FHIP1A: variants seen among roughly 807,000 people sequenced by gnomAD.
The protein encoded by FHIP1A is FHF complex subunit HOOK interacting protein 1A, also known as FHF complex subunit HOOK-interacting protein 1A.
In FHIP1A, 61 loss-of-function variants were observed where a neutral mutation model predicts 88.6. The observed-to-expected ratio is 0.69, with a 90% confidence interval of 0.56 to 0.85. The LOEUF (loss-of-function observed/expected upper bound fraction) is 0.85, where lower values mean the gene tolerates loss of function less well. Among genes scored for constraint, FHIP1A ranks in the 40% least tolerant of loss-of-function variants. FHIP1A has a pLI of 0.00. For synonymous variants in FHIP1A, 478 were observed against 496.0 expected (o/e 0.96, Z 0.48); for missense variants, 1,154 against 1,273.5 (o/e 0.91, Z 1.43).
intron 7 of FHIP1A, among the ~76,000 whole-genome samples, chr4:151,604,297 G>A (rs1388466239): frequency 1.3e-5 from 2 of 151,868 alleles, no homozygotes; most frequent in Non-Finnish European, 1.5e-5. Flanking sequence ...CTATTGTTAG[G>A]TGATTTTGCA....
intron 8 of FHIP1A, among the ~76,000 whole-genome samples, chr4:151,632,254 TTATA>T (rs1736183875): frequency 6.6e-6 from 1 of 151,760 alleles, no homozygotes; most frequent in Non-Finnish European, 1.5e-5. Flanking sequence ...GATATAAATA[TTATA>T]TATAATACAT....
chr4:151,576,270 T>C lies in FHIP1A; in HGVS notation c.106-1180T>C, dbSNP rs184267959. ...TTTTATTTAAATTGTTAATTGAGTT[T>C]TTTGTGGTAAAGTATATATAACAAA... On this transcript the variant is annotated intron_variant, in intron 4 of 13. Coordinates refer to ENST00000435205, the MANE Select transcript of FHIP1A (RefSeq NM_001109977.3). Among the ~76,000 whole-genome samples, 195 of 152,272 alleles carry C rather than the reference T, an allele frequency of 1.3e-3. 2 individuals carry two copies. The highest frequency in any genetic ancestry group is 0.012 in the Admixed American group (184 of 15,282).
rs550476404 is a variant in FHIP1A at position 151,487,390 on chromosome 4, C to T, written c.-123+4742C>T. ...GCTTTTTCTTCTTTCCACATCTCAC[C>T]CACATGTTCTTCCCTCAGGGCCTGC... On this transcript the variant is annotated intron_variant, in intron 3 of 13. Transcript: ENST00000435205. Among the ~76,000 whole-genome samples, 239 of 152,144 alleles carry T rather than the reference C, an allele frequency of 1.6e-3. 1 individual carries two copies. Among genetic ancestry groups the T allele is most frequent in the African/African-American group, 5.5e-3 (229 of 41,492 alleles).
At chr4:151,559,337 T>C (rs572298484) in intron 3 of FHIP1A, among the ~76,000 whole-genome samples, 5 of 152,350 alleles carry the variant, frequency 3.3e-5, no homozygotes, top group African/African-American at 1.2e-4. Context: ...TGCTAAGTAG[T>C]ACATAAATAT....
At chr4:151,523,894 C>T (rs972028972) in intron 3 of FHIP1A, among the ~76,000 whole-genome samples, 3 of 152,082 alleles carry the variant, frequency 2.0e-5, no homozygotes, top group Non-Finnish European at 2.9e-5. Context: ...GATCCATGTC[C>T]TTCTTTTCCT....
At chr4:151,614,326 A>G (rs1219719166) in intron 7 of FHIP1A, among the ~76,000 whole-genome samples, 1 of 151,142 alleles carries the variant, frequency 6.6e-6, no homozygotes, top group Non-Finnish European at 1.5e-5. Context: ...AAAATCACCC[A>G]GGTGTGGTGG....
intron 3 of FHIP1A, among the ~76,000 whole-genome samples, chr4:151,519,454 A>C (rs1291708709): frequency 3.3e-5 from 5 of 152,120 alleles, no homozygotes; most frequent in South Asian, 2.1e-4. Context: ...TCATTGTATG[A>C]ATCACAGTTT....
chr4:151,461,858 C>T (rs1487555552), intron 2 of FHIP1A, among the ~76,000 whole-genome samples: 2 of 152,122 alleles, frequency 1.3e-5, no homozygotes, highest in Admixed American at 6.5e-5. Flanking sequence ...GGCATGGGAT[C>T]GACTCTGTAA....
chr4:151,466,567 C>T (rs1297529444), intron 2 of FHIP1A, among the ~76,000 whole-genome samples: 1 of 152,152 alleles, frequency 6.6e-6, no homozygotes, highest in African/African-American at 2.4e-5. Context: ...ATCACACTAC[C>T]TGACCTCAAA....
chr4:151,453,758 CTTGAACTGGGAGGCGGAGGTGGCGGTTT>C (rs895440402), intron 1 of FHIP1A, among the ~76,000 whole-genome samples: 2 of 152,044 alleles, frequency 1.3e-5, no homozygotes, highest in African/African-American at 4.8e-5. Flanking sequence ...AGGAGAATCG[CTTGAACTGGGAGGCGGAGGTGGCGGTTT>C]TTGAACTGGG....
At chr4:151,499,243 C>CT (rs1043048468) in intron 3 of FHIP1A, among the ~76,000 whole-genome samples, 1 of 151,938 alleles carries the variant, frequency 6.6e-6, no homozygotes, top group African/African-American at 2.4e-5. Flanking sequence ...CCCAGAACCT[C>CT]TTTTTTTTGC....
chr4:151,539,602 CT>C (rs1732199987), intron 3 of FHIP1A, among the ~76,000 whole-genome samples: 2 of 147,454 alleles, frequency 1.4e-5, no homozygotes, highest in African/African-American at 5.0e-5. Context: ...TGGACGTTCT[CT>C]TAACCAATCT....
At chr4:151,440,462 C>A (rs552359680) in intron 1 of FHIP1A, among the ~76,000 whole-genome samples, 3 of 152,120 alleles carry the variant, frequency 2.0e-5, no homozygotes, top group Non-Finnish European at 4.4e-5. Flanking sequence ...AGTAGCTAGT[C>A]ATCTCCAGTT....
intron 7 of FHIP1A, among the ~76,000 whole-genome samples, chr4:151,625,107 G>A (rs1293067613): frequency 1.3e-5 from 2 of 152,106 alleles, no homozygotes; most frequent in East Asian, 1.9e-4. Flanking sequence ...GGGTAGGCTC[G>A]TAGCCTGTGT....
intron 2 of FHIP1A, among the ~76,000 whole-genome samples, chr4:151,465,941 A>T (rs1162304353): frequency 6.6e-6 from 1 of 152,196 alleles, no homozygotes; most frequent in Non-Finnish European, 1.5e-5. Flanking sequence ...AGCTGGAAGC[A>T]TTCCCTTTGA....
intron 3 of FHIP1A, among the ~76,000 whole-genome samples, chr4:151,530,996 C>T (rs1731856661): frequency 1.3e-5 from 2 of 152,118 alleles, no homozygotes; most frequent in African/African-American, 4.8e-5. Context: ...TTAACTTTGT[C>T]TGCAGCAACA....
chr4:151,649,568 C>T lies in FHIP1A; in HGVS notation c.1527C>T (p.Thr509=). The part of the protein sequence containing the change: ...SYLQYLWEAH[T]NILRCMRDCR... ...TGCAGTACCTGTGGGAGGCCCACACCAACATCCTCCGCTGCATGAGGGACT... is the reference window on the plus strand; with the variant it reads ...TGCAGTACCTGTGGGAGGCCCACACTAACATCCTCCGCTGCATGAGGGACT... Residue 509 remains threonine (T), a synonymous_variant, in exon 11 of 14, where the codon ACC becomes ACT. Coordinates refer to ENST00000435205, the MANE Select transcript of FHIP1A (RefSeq NM_001109977.3). 1 of 1,551,684 alleles carries T rather than the reference C, an allele frequency of 6.4e-7. No homozygotes were observed. The highest frequency in any genetic ancestry group is 8.7e-7 in the Non-Finnish European group (1 of 1,146,962).
At position 151,547,316 on chromosome 4, in the gene FHIP1A, G is replaced by C. The variant is rs28496250; in HGVS notation, c.-122-18822G>C. The stretch of plus-strand genomic sequence containing the variant: ...TGTAAATGGTAGCTCCAAGAGAAGA[G>C]CCACCCCGCAGAGAGGCCATAGGCT... On this transcript the variant is annotated intron_variant, in intron 3 of 13. Coordinates refer to ENST00000435205, the MANE Select transcript of FHIP1A (RefSeq NM_001109977.3). Among the ~76,000 whole-genome samples, 1,161 of 152,250 alleles carry C rather than the reference G, an allele frequency of 7.6e-3. 13 individuals are homozygous for C. Among genetic ancestry groups the C allele is most frequent in the African/African-American group, 0.027 (1,107 of 41,546 alleles).
intron 2 of FHIP1A, among the ~76,000 whole-genome samples, chr4:151,456,093 CA>C (rs201890760): frequency 2.0e-5 from 3 of 151,364 alleles, no homozygotes; most frequent in East Asian, 1.9e-4. Context: ...GTTAAGGCAC[CA>C]AAAAAAACCC....
Sources: gnomAD v4.1 joint callset for allele counts (sites outside exome capture counted in the v4.1 genomes callset) on GRCh38, gnomAD v4.1.1 for gene constraint, MANE v1.5 for transcripts, NCBI Gene and HGNC (gene_info 2026-07-23, HGNC 2026-07-21) for gene names.